Variants in MRGPRF observed in about 807,000 individuals in gnomAD.
MRGPRF encodes MAS related GPR family member F, also known as mas-related G protein-coupled receptor member F.
MRGPRF carries 2 observed loss-of-function variants against 3.3 expected under a neutral mutation model. That is an observed-to-expected ratio of 0.61 (90% confidence interval 0.25 to 1.92). The LOEUF (loss-of-function observed/expected upper bound fraction) is 1.92. Among genes scored for constraint, MRGPRF ranks in the 40% most tolerant of loss-of-function variants. The pLI, the probability that MRGPRF is intolerant of heterozygous loss-of-function variation, is 0.16. For synonymous variants in MRGPRF, 242 were observed against 222.7 expected, an observed-to-expected ratio of 1.09 and a Z score of -0.77; for missense variants, 500 against 476.0, an observed-to-expected ratio of 1.05 and a Z score of -0.47.
chr11:69,007,188 G>A (rs1423636835), intron 2 of MRGPRF, among the ~76,000 whole-genome samples: 1 of 152,188 alleles, frequency 6.6e-6, no homozygotes, highest in Non-Finnish European at 1.5e-5. Context: ...GGCATCAAGG[G>A]CTTGGTGTCT....
chr11:69,012,040 C>A (rs1429960645), intron 1 of MRGPRF, among the ~76,000 whole-genome samples: 3 of 152,216 alleles, frequency 2.0e-5, no homozygotes, highest in Non-Finnish European at 2.9e-5. Context: ...CAGCAGACCC[C>A]AGATGGGCCA....
At chr11:69,006,929 T>C (rs1400297089) in intron 2 of MRGPRF, among the ~76,000 whole-genome samples, 5 of 152,162 alleles carry the variant, frequency 3.3e-5, no homozygotes, top group Admixed American at 3.3e-4. Flanking sequence ...AGCCTTTCCA[T>C]TTTTAAGAAG....
rs1186354026 is a variant in MRGPRF, at chr11:69,005,033, C to G, written c.*245G>C. The G allele has an allele frequency of 2.0e-6, 1 of 501,898 alleles. No homozygotes were observed. Among genetic ancestry groups the G allele is most frequent in the Non-Finnish European group, 3.4e-6 (1 of 293,470 alleles). 31.1% of individuals were successfully genotyped at this position (501,898 alleles called of 1,614,324 possible). On this transcript the variant is annotated 3_prime_UTR_variant, in exon 3 of 3. Coordinates refer to ENST00000309099, the MANE Select transcript of MRGPRF (RefSeq NM_145015.5). ...CCACCACCTGGGGGCAACTTCTGTACAAGAGGTCTCTAGGGGAGCAGAATG... is the reference window on the plus strand; with the variant it reads ...CCACCACCTGGGGGCAACTTCTGTAGAAGAGGTCTCTAGGGGAGCAGAATG...
At chr11:69,010,261 G>A (rs1156260060) in intron 1 of MRGPRF, among the ~76,000 whole-genome samples, 1 of 152,262 alleles carries the variant, frequency 6.6e-6, no homozygotes, top group Admixed American at 6.5e-5. Context: ...TGCTTTTGCA[G>A]ACATACATTT....
Position 69,005,947 on chromosome 11 carries a change from G to C in MRGPRF, c.363C>G (p.Val121=). 6.4e-7 allele frequency: 1 copy of C among 1,572,116 alleles called. No homozygotes were observed. Among genetic ancestry groups the C allele is most frequent in the Non-Finnish European group, 8.6e-7 (1 of 1,159,090 alleles). ...CGGTAAGGAACATGCAGAGCCCCAG[G>C]ACCCGGCACACGCTGCGGATGTAGT... ...FADYIRSVCR[V]LGLCMFLTGV... is the part of the protein sequence containing the mutation. The change falls in exon 3 of 3, where the codon GTC becomes GTG. Residue 121 remains valine (V), a synonymous_variant. Transcript: ENST00000309099.
At position 69,009,885 on chromosome 11, in the gene MRGPRF, G is replaced by A. The variant is rs780856235; in HGVS notation, c.17C>T (p.Ser6Phe). 3.1e-6 allele frequency: 5 copies of A among 1,608,972 alleles called. No homozygotes were observed. Among genetic ancestry groups the A allele is most frequent in the Non-Finnish European group, 4.2e-6 (5 of 1,179,568 alleles). ...CCTGTTGCCGGGATGGGCCTCCCAG[G>A]AGCAGTTTCCAGCCATCTCCAGGCC... MAGNC[S>F]WEAHPGNRNK... is the part of the protein sequence containing the mutation. The change falls in exon 2 of 3, where the codon TCC (serine) becomes TTC (phenylalanine). Residue 6 changes from serine (S) to phenylalanine (F), a missense_variant. Physicochemically the swap from Ser to Phe is radical, Grantham distance 155. Transcript: ENST00000309099.
rs1323659637 is a variant in MRGPRF at position 69,006,267 on chromosome 11, C to T, written c.49-6G>A. The stretch of plus-strand genomic sequence containing the variant: ...TCGCTCAGGCCAGGGCACATCTGCG[C>T]AGGTGCAGAGAGGGACACCTGTGAT... On this transcript the variant is annotated splice_region_variant and splice_polypyrimidine_tract_variant and intron_variant, in intron 2 of 2. Coordinates refer to ENST00000309099, the MANE Select transcript of MRGPRF (RefSeq NM_145015.5). The T allele has an allele frequency of 1.9e-6, 3 of 1,599,206 alleles. No homozygotes were observed. The highest frequency in any genetic ancestry group is 1.7e-6 in the Non-Finnish European group (2 of 1,173,476).
In MRGPRF at chr11:69,005,336, C is replaced by T. The variant is rs1447239418; in HGVS notation, c.974G>A (p.Gly325Asp). The T allele has an allele frequency of 5.1e-6, 8 of 1,554,070 alleles. No individual in the cohort carries two copies. The highest frequency in any genetic ancestry group is 4.7e-5 in the East Asian group (2 of 42,158). The change falls in exon 3 of 3, where the codon GGC becomes GAC. Residue 325 changes from glycine to aspartate, a missense_variant. By Grantham distance (94) the Gly-to-Asp change is moderately conservative (BLOSUM62 -1). Coordinates refer to ENST00000309099, the MANE Select transcript of MRGPRF (RefSeq NM_145015.5). ...CATGGTGACTGTGTTGGGCGTGCTGCCCCCGGCCTCCCCCAGCTCAGCGCC... is the reference window on the plus strand; with the variant it reads ...CATGGTGACTGTGTTGGGCGTGCTGTCCCCGGCCTCCCCCAGCTCAGCGCC... Reference protein sequence around the residue: ...RDGAELGEAGGSTPNTVTMEM... With the variant: ...RDGAELGEAGDSTPNTVTMEM...
chr11:69,007,768 A>G (rs962550574), intron 2 of MRGPRF, among the ~76,000 whole-genome samples: 7 of 151,842 alleles, frequency 4.6e-5, no homozygotes, highest in Non-Finnish European at 8.8e-5. Context: ...CTCTAGTGGG[A>G]TGGGAGGTGG....
In MRGPRF at chr11:69,005,775, T is replaced by C; in HGVS notation, c.535A>G (p.Asn179Asp). The C allele has an allele frequency of 6.5e-7, 1 of 1,545,102 alleles. No homozygotes were observed. Among genetic ancestry groups the C allele is most frequent in the Non-Finnish European group, 8.7e-7 (1 of 1,144,244 alleles). The change falls in exon 3 of 3, where the codon AAC becomes GAC. Residue 179 changes from asparagine (N) to aspartate (D), a missense_variant. Transcript: ENST00000309099. ...CGGCCCAGGAACACGCAGAAGTAGT[T>C]GTGCAGGCAGGTGACCAGGAGGGAC... The part of the protein sequence containing the change: ...VLSLLVTCLH[N>D]YFCVFLGRGA...
Position 69,006,178 on chromosome 11 carries a change from C to G in MRGPRF, c.132G>C (p.Pro44=), listed in dbSNP as rs775985680. 6.2e-7 allele frequency: 1 copy of G among 1,613,938 alleles called. No individual in the cohort carries two copies. Among genetic ancestry groups the G allele is most frequent in the African/African-American group, 1.3e-5 (1 of 75,048 alleles). ...TIEQIAMLPP[P]AVMNYIFLLL... ...GCAGGAAGATGTAGTTCATGACGGCCGGAGGCGGCAGCATCGCGATCTGCT... is the reference window on the plus strand; with the variant it reads ...GCAGGAAGATGTAGTTCATGACGGCGGGAGGCGGCAGCATCGCGATCTGCT... Residue 44 remains proline, a synonymous_variant, in exon 3 of 3, where the codon CCG becomes CCC. Coordinates refer to ENST00000309099, the MANE Select transcript of MRGPRF (RefSeq NM_145015.5).
rs1204745861 is a variant in MRGPRF, at chr11:69,005,700, G to A, written c.610C>T (p.Leu204Phe). The A allele has an allele frequency of 6.4e-7, 1 of 1,550,964 alleles. No homozygotes were observed. Among genetic ancestry groups the A allele is most frequent in the South Asian group, 1.2e-5 (1 of 84,058 alleles). ...CRHMDIFLGI[L>F]LFLLCCPLMV... ...AGCGGGCAGCAGAGCAGGAACAGGA[G>A]GATGCCCAGGAAGATGTCCATGTGC... The change falls in exon 3 of 3, where the codon CTC becomes TTC. Residue 204 changes from leucine to phenylalanine, a missense_variant. By Grantham distance (22) the Leu-to-Phe change is conservative. Transcript: ENST00000309099.
In MRGPRF at chr11:69,005,734, C is replaced by T. The variant is rs1448449134; in HGVS notation, c.576G>A (p.Ala192=). Residue 192 remains alanine, a synonymous_variant, in exon 3 of 3, where the codon GCG becomes GCA. Coordinates refer to ENST00000309099, the MANE Select transcript of MRGPRF (RefSeq NM_145015.5). ...CVFLGRGAPG[A]ACRHMDIFLG... ...GGAAGATGTCCATGTGCCTGCAGGC[C>T]GCGCCGGGGGCCCCGCGGCCCAGGA... The T allele has an allele frequency of 1.3e-6, 2 of 1,549,984 alleles. No individual in the cohort carries two copies. The highest frequency in any genetic ancestry group is 2.0e-5 in the Admixed American group (1 of 50,942).
chr11:69,011,242 C>T (rs1391086049), intron 1 of MRGPRF, among the ~76,000 whole-genome samples: 2 of 152,188 alleles, frequency 1.3e-5, no homozygotes, highest in Non-Finnish European at 2.9e-5. Context: ...TGTGGCCCGC[C>T]CCCTCTTTAA....
chr11:69,011,188 G>T (rs1161462307), intron 1 of MRGPRF, among the ~76,000 whole-genome samples: 1 of 152,138 alleles, frequency 6.6e-6, no homozygotes, highest in African/African-American at 2.4e-5. Flanking sequence ...CGTACTCCTG[G>T]CCTCCGCGCC....
chr11:69,008,666 G>A (rs145113387), intron 2 of MRGPRF, among the ~76,000 whole-genome samples: 1 of 152,276 alleles, frequency 6.6e-6, no homozygotes, highest in African/African-American at 2.4e-5. Flanking sequence ...CCTGTCGGCT[G>A]GTCTGTTCGC....
intron 2 of MRGPRF, 113 bp from the exon 3 acceptor site, chr11:69,006,374 G>T: frequency 7.9e-7 from 1 of 1,264,796 alleles, no homozygotes; most frequent in Non-Finnish European, 1.1e-6. Flanking sequence ...ACTTGGGGCA[G>T]GGAGGGGGTC....
intron 2 of MRGPRF, among the ~76,000 whole-genome samples, chr11:69,006,993 G>C (rs969265983): frequency 1.3e-5 from 2 of 152,188 alleles, no homozygotes; most frequent in African/African-American, 4.8e-5. Flanking sequence ...TTATACGCTG[G>C]ATCTCAACAA....
chr11:69,008,490 G>C (rs908316071), intron 2 of MRGPRF, among the ~76,000 whole-genome samples: 2 of 152,194 alleles, frequency 1.3e-5, no homozygotes, highest in African/African-American at 4.8e-5. Flanking sequence ...TGGACACCCC[G>C]TTGCAAAGGG....
Sources: gnomAD v4.1 joint callset for allele counts (sites outside exome capture counted in the v4.1 genomes callset) on GRCh38, gnomAD v4.1.1 for gene constraint, MANE v1.5 for transcripts, NCBI Gene and HGNC (gene_info 2026-07-23, HGNC 2026-07-21) for gene names.